Variants in PTPRR observed in about 807,000 individuals in gnomAD.
The protein encoded by PTPRR is receptor-type tyrosine-protein phosphatase R.
PTPRR carries 38 observed loss-of-function variants against 77.2 expected under a neutral mutation model. That is an observed-to-expected ratio of 0.49 (90% CI 0.38 to 0.65). The LOEUF is 0.65. Ranked by LOEUF, PTPRR falls within the 30% of genes least tolerant of loss-of-function variation. PTPRR has a pLI of 0.00. For synonymous variants in PTPRR, 299 were observed against 283.1 expected (o/e 1.06, Z -0.57); for missense variants, 744 against 799.2 (o/e 0.93, Z 0.83).
intron 8 of PTPRR, among the ~76,000 whole-genome samples, chr12:70,686,907 A>C (rs1195062547): frequency 3.9e-5 from 6 of 152,132 alleles, no homozygotes; most frequent in African/African-American, 1.4e-4. Flanking sequence ...TAAGCCACTA[A>C]ATTTTGGGGT....
chr12:70,674,934 A>G (rs1887388392), intron 10 of PTPRR, among the ~76,000 whole-genome samples: 1 of 152,052 alleles, frequency 6.6e-6, no homozygotes, highest in Admixed American at 6.5e-5. Flanking sequence ...ATGCATTTAT[A>G]TATTTAGAAT....
chr12:70,698,499 T>A, intron 7 of PTPRR, 150 bp from the exon 8 acceptor site: 1 of 593,844 alleles, frequency 1.7e-6, no homozygotes, highest in Non-Finnish European at 3.0e-6. Context: ...CACCCTTCCT[T>A]TCCTAAACAT....
At chr12:70,801,521 C>T (rs548707144) in intron 2 of PTPRR, among the ~76,000 whole-genome samples, 8 of 152,308 alleles carry the variant, frequency 5.3e-5, no homozygotes, top group East Asian at 1.9e-4. Context: ...GGTTTTCTCC[C>T]GCTCTTGTAC....
chr12:70,817,683 C>T (rs2093774100), intron 2 of PTPRR, among the ~76,000 whole-genome samples: 1 of 152,106 alleles, frequency 6.6e-6, no homozygotes, highest in Admixed American at 6.5e-5. Flanking sequence ...TTCTGAAGAA[C>T]ACCAGGCTGT....
At chr12:70,822,116 T>C (rs2137041594) in intron 2 of PTPRR, among the ~76,000 whole-genome samples, 1 of 152,354 alleles carries the variant, frequency 6.6e-6, no homozygotes, top group South Asian at 2.1e-4. Flanking sequence ...AGCATCACTG[T>C]ATACAAGGCA....
At chr12:70,679,957 T>C (rs1036038371) in intron 10 of PTPRR, among the ~76,000 whole-genome samples, 9 of 152,204 alleles carry the variant, frequency 5.9e-5, no homozygotes, top group African/African-American at 1.4e-4. Context: ...AGATACTTTG[T>C]TTCTTTCTTC....
At position 70,638,939 on chromosome 12, in the gene PTPRR, T is replaced by C. The variant is rs564197501; in HGVS notation, c.*245A>G. On this transcript the variant is annotated 3_prime_UTR_variant, in exon 14 of 14. Coordinates refer to ENST00000283228, the MANE Select transcript of PTPRR (RefSeq NM_002849.4). ...ACAAAATCTGCCTTAGGCTGTGTGA[T>C]AAACCTATCATACCTCCATCATCAA... 6 of 510,386 alleles carry C rather than the reference T, an allele frequency of 1.2e-5. No individual in the cohort carries two copies. The highest frequency in any genetic ancestry group is 9.6e-5 in the African/African-American group (5 of 52,062). 31.6% of individuals were successfully genotyped at this position (510,386 alleles called of 1,614,324 possible). A position where few individuals can be genotyped will look rare whatever the true frequency, so the allele number is the denominator to read the frequency against.
intron 2 of PTPRR, among the ~76,000 whole-genome samples, chr12:70,887,335 C>T (rs1478956750): frequency 2.0e-5 from 3 of 151,958 alleles, no homozygotes; most frequent in Admixed American, 6.6e-5. Context: ...GCCTATCGTC[C>T]CAGCTACTTG....
chr12:70,913,813 A>AATTATTTTATTG, intron 1 of PTPRR, among the ~76,000 whole-genome samples: 1 of 152,314 alleles, frequency 6.6e-6, no homozygotes, highest in Non-Finnish European at 1.5e-5. Flanking sequence ...CTCTTGGTCA[A>AATTATTTTATTG]TGTAAATTAA....
chr12:70,657,344 A>G (rs1176248780), intron 12 of PTPRR, among the ~76,000 whole-genome samples: 1 of 152,322 alleles, frequency 6.6e-6, no homozygotes, highest in South Asian at 2.1e-4. Flanking sequence ...TAATTGAGCA[A>G]TTGAAGATTG....
chr12:70,788,268 G>A (rs2137006700), intron 2 of PTPRR, among the ~76,000 whole-genome samples: 2 of 152,248 alleles, frequency 1.3e-5, no homozygotes, highest in Non-Finnish European at 2.9e-5. Context: ...TCACTCACTG[G>A]ACCCTACATG....
intron 2 of PTPRR, among the ~76,000 whole-genome samples, chr12:70,873,882 G>A (rs1363223847): frequency 6.6e-6 from 1 of 152,100 alleles, no homozygotes; most frequent in Non-Finnish European, 1.5e-5. Context: ...CAGTATGTGG[G>A]TAAGTGTAAA....
intron 2 of PTPRR, among the ~76,000 whole-genome samples, chr12:70,795,048 AAT>A (rs1891487599): frequency 6.6e-6 from 1 of 152,082 alleles, no homozygotes. Flanking sequence ...GGGAGATTAT[AAT>A]CTCTGTTATA....
intron 2 of PTPRR, among the ~76,000 whole-genome samples, chr12:70,874,275 A>G (rs1016592301): frequency 2.2e-4 from 33 of 152,220 alleles, no homozygotes; most frequent in African/African-American, 7.5e-4. Flanking sequence ...CTTTTCAAAC[A>G]TATCAGAGAC....
At chr12:70,811,563 C>T (rs749481179) in intron 2 of PTPRR, among the ~76,000 whole-genome samples, 8 of 152,234 alleles carry the variant, frequency 5.3e-5, no homozygotes, top group Non-Finnish European at 7.3e-5. Flanking sequence ...CTTAGACCAT[C>T]AACTCAGGCA....
At chr12:70,881,326 C>A (rs1303174085) in intron 2 of PTPRR, among the ~76,000 whole-genome samples, 1 of 152,150 alleles carries the variant, frequency 6.6e-6, no homozygotes, top group African/African-American at 2.4e-5. Context: ...TCACCCTGGT[C>A]ATCCTAACAC....
intron 2 of PTPRR, among the ~76,000 whole-genome samples, chr12:70,856,848 G>GGA (rs140876613): frequency 5.7e-4 from 84 of 148,256 alleles, no homozygotes; most frequent in African/African-American, 1.7e-3. Context: ...GGAGAGAGGG[G>GGA]GAGAGAGAGA....
At chr12:70,891,769 AAAAT>A (rs1316382050) in intron 2 of PTPRR, among the ~76,000 whole-genome samples, 2 of 152,136 alleles carry the variant, frequency 1.3e-5, no homozygotes, top group Non-Finnish European at 2.9e-5. Context: ...GTAGGTTAAA[AAAAT>A]AAAGAAAAAA....
At chr12:70,889,537 G>A (rs2137114136) in intron 2 of PTPRR, among the ~76,000 whole-genome samples, 1 of 152,272 alleles carries the variant, frequency 6.6e-6, no homozygotes, top group African/African-American at 2.4e-5. Flanking sequence ...AGAATTTTCT[G>A]TGTCACAGAA....
Sources: gnomAD v4.1 joint callset for allele counts (sites outside exome capture counted in the v4.1 genomes callset) on GRCh38, gnomAD v4.1.1 for gene constraint, MANE v1.5 for transcripts, NCBI Gene and HGNC (gene_info 2026-07-23, HGNC 2026-07-21) for gene names.